XRRA1: variants seen among roughly 807,000 people sequenced by gnomAD.
XRRA1 encodes X-ray radiation resistance-associated protein 1.
Under a neutral mutation model 80.2 loss-of-function variants are expected in XRRA1, and 69 were observed. That is an observed-to-expected ratio of 0.86 (90% CI 0.71 to 1.05). The LOEUF is 1.05. Ranked by LOEUF, XRRA1 falls within the 50% of genes least tolerant of loss-of-function variation. XRRA1 has a pLI of 0.00. For synonymous variants in XRRA1, 348 were observed against 389.9 expected (o/e 0.89, Z 1.27); for missense variants, 967 against 976.4 (o/e 0.99, Z 0.13).
chr11:74,848,605 T>C, intron 14 of XRRA1, 143 bp from the exon 15 acceptor site: 2 of 716,714 alleles, frequency 2.8e-6, no homozygotes, highest in Non-Finnish European at 4.5e-6. Flanking sequence ...ATCATACTTG[T>C]TGGGCATCTA....
At chr11:74,847,100 T>A (rs1173270033) in intron 15 of XRRA1, among the ~76,000 whole-genome samples, 1 of 152,218 alleles carries the variant, frequency 6.6e-6, no homozygotes, top group African/African-American at 2.4e-5. Flanking sequence ...TATTTTCTTT[T>A]CATCTAACTC....
chr11:74,884,671 T>C (rs1286880848), intron 10 of XRRA1, among the ~76,000 whole-genome samples: 10 of 152,228 alleles, frequency 6.6e-5, no homozygotes. Context: ...ACTCACTCTT[T>C]GTGTGTCCAT....
At chr11:74,936,733 T>C in intron 4 of XRRA1, 151 bp downstream of exon 4, 1 of 1,017,918 alleles carries the variant, frequency 9.8e-7, no homozygotes. Flanking sequence ...TTTGGGTCCC[T>C]TCATTATCCT....
chr11:74,938,993 A>T (rs564408719), intron 3 of XRRA1, among the ~76,000 whole-genome samples: 1 of 152,328 alleles, frequency 6.6e-6, no homozygotes, highest in East Asian at 1.9e-4. Context: ...TTATTACTGT[A>T]GTGTTTGAAT....
chr11:74,909,556 G>A (rs11236267), intron 8 of XRRA1, among the ~76,000 whole-genome samples: 1 of 152,124 alleles, frequency 6.6e-6, no homozygotes, highest in Non-Finnish European at 1.5e-5. Flanking sequence ...GCATGGGAAA[G>A]TTTCATTTTT....
intron 8 of XRRA1, among the ~76,000 whole-genome samples, chr11:74,912,329 G>A (rs1014414965): frequency 6.6e-6 from 1 of 152,112 alleles, no homozygotes; most frequent in Non-Finnish European, 1.5e-5. Flanking sequence ...GAATTATGGC[G>A]CTAAGATTTG....
intron 8 of XRRA1, among the ~76,000 whole-genome samples, chr11:74,916,173 C>G (rs532942450): frequency 2.0e-5 from 3 of 152,212 alleles, no homozygotes; most frequent in Admixed American, 2.0e-4. Context: ...TCTTGGAGTT[C>G]ACTGAGCCTC....
intron 2 of XRRA1, among the ~76,000 whole-genome samples, chr11:74,942,491 T>C (rs1946521604): frequency 6.6e-6 from 1 of 152,076 alleles, no homozygotes; most frequent in Admixed American, 6.6e-5. Flanking sequence ...TGGGGGAAGG[T>C]GAGCAAGGTG....
intron 3 of XRRA1, 113 bp downstream of exon 3, chr11:74,940,672 A>G: frequency 1.2e-6 from 1 of 833,194 alleles, no homozygotes; most frequent in South Asian, 1.6e-5. Flanking sequence ...GGGAAGGATT[A>G]GGTAGAGCAG....
intron 10 of XRRA1, among the ~76,000 whole-genome samples, chr11:74,873,579 G>A (rs1050798576): frequency 6.6e-6 from 1 of 152,192 alleles, no homozygotes; most frequent in Non-Finnish European, 1.5e-5. Flanking sequence ...GACAGGTACT[G>A]TCAAAGGACC....
intron 8 of XRRA1, chr11:74,910,578 A>G (rs2055650050): frequency 6.6e-6 from 1 of 152,260 alleles, no homozygotes; most frequent in African/African-American, 2.4e-5. Context: ...AAGTGAAGAG[A>G]AAGGAGGATG....
intron 12 of XRRA1, among the ~76,000 whole-genome samples, chr11:74,858,943 G>A (rs1191841261): frequency 6.6e-6 from 1 of 152,158 alleles, no homozygotes; most frequent in Non-Finnish European, 1.5e-5. Context: ...CACAGAGCCT[G>A]GCACATGGTA....
intron 8 of XRRA1, among the ~76,000 whole-genome samples, chr11:74,918,299 A>AGTGTGTGTGTGTGTGTGTGT (rs35763136): frequency 1.3e-5 from 2 of 150,050 alleles, no homozygotes; most frequent in Non-Finnish European, 1.5e-5. Context: ...TTCCTTCCTT[A>AGTGTGTGTGTGTGTGTGTGT]GTGTGTGTGT....
chr11:74,882,504 T>G (rs2047903447), intron 10 of XRRA1, among the ~76,000 whole-genome samples: 4 of 152,246 alleles, frequency 2.6e-5, no homozygotes, highest in Admixed American at 2.6e-4. Flanking sequence ...CCTTCTTCTC[T>G]CAGCTCGTCA....
At chr11:74,862,939 G>A (rs1445764118) in intron 11 of XRRA1, 42 bp downstream of exon 11, 10 of 1,490,738 alleles carry the variant, frequency 6.7e-6, no homozygotes, top group South Asian at 2.5e-5. Context: ...TAAAATTAAT[G>A]TTCTAACTCA....
In XRRA1 at chr11:74,927,484, T is replaced by A; in HGVS notation, c.429A>T (p.Ala143=). Residue 143 remains alanine (A), a synonymous_variant, in exon 7 of 19, where the codon GCA becomes GCT. Transcript: ENST00000684022. ...NASENLLPLE[A]FHTFPALKEL... ...CCTTTAGGGCTGGAAACGTGTGAAA[T>A]GCCTCTACATGGGGAAGAGAAAGAG... 1.2e-6 allele frequency: 2 copies of A among 1,605,064 alleles called. No individual in the cohort carries two copies. Among genetic ancestry groups the A allele is most frequent in the Non-Finnish European group, 1.7e-6 (2 of 1,171,890 alleles).
rs1363253726 is a variant in XRRA1, at chr11:74,848,348, C to T, written c.1495G>A (p.Glu499Lys). 6.8e-6 allele frequency: 11 copies of T among 1,613,884 alleles called. No homozygotes were observed. Among genetic ancestry groups the T allele is most frequent in the South Asian group, 1.1e-5 (1 of 91,032 alleles). The part of the protein sequence containing the change: ...DMLEPEAELA[E>K]DLPTTKSTSV... ...GTGCTTTTGGTAGTGGGCAGATCTT[C>T]AGCCAGCTCTGCCTCTGGCTCTAGC... The change falls in exon 15 of 19, where the codon GAA becomes AAA. Residue 499 changes from glutamate to lysine, a missense_variant. Coordinates refer to ENST00000684022, the MANE Select transcript of XRRA1 (RefSeq NM_001378157.1).
chr11:74,891,160 T>C (rs2050588036), intron 10 of XRRA1, among the ~76,000 whole-genome samples: 2 of 152,088 alleles, frequency 1.3e-5, no homozygotes, highest in South Asian at 4.1e-4. Context: ...CTCAATAAAA[T>C]ACTGGCAAAC....
intron 1 of XRRA1, among the ~76,000 whole-genome samples, chr11:74,947,976 T>G (rs1013670634): frequency 3.9e-5 from 6 of 152,132 alleles, no homozygotes; most frequent in Non-Finnish European, 8.8e-5. Context: ...CCGCCTGCCT[T>G]GGCGGGGATT....
Sources: allele counts gnomAD v4.1 joint callset (sites outside exome capture counted in the v4.1 genomes callset), GRCh38; gene constraint gnomAD v4.1.1; transcripts MANE v1.5; gene names NCBI Gene and HGNC (gene_info 2026-07-23, HGNC 2026-07-21).